Variants in LPP observed in about 807,000 individuals in gnomAD.
LPP encodes LIM domain containing preferred translocation partner in lipoma.
In LPP, 38 loss-of-function variants were observed where a neutral mutation model predicts 60.4. The ratio of observed to expected loss-of-function variants is 0.63; its 90% CI spans 0.49 to 0.83. The LOEUF is 0.83. Among genes scored for constraint, LPP ranks in the 40% least tolerant of loss-of-function variants. LPP has a pLI of 0.00. For synonymous variants in LPP, 328 were observed against 290.8 expected (o/e 1.13, Z -1.30); for missense variants, 902 against 783.6 (o/e 1.15, Z -1.80).
chr3:188,679,490 T>A (rs1201320512), intron 7 of LPP, among the ~76,000 whole-genome samples: 1 of 151,756 alleles, frequency 6.6e-6, no homozygotes, highest in Non-Finnish European at 1.5e-5. Flanking sequence ...CTCGTCGTCC[T>A]GTCTTAGTTT....
intron 9 of LPP, among the ~76,000 whole-genome samples, chr3:188,847,780 A>G (rs570133966): frequency 2.0e-5 from 3 of 152,384 alleles, no homozygotes; most frequent in East Asian, 1.9e-4. Flanking sequence ...ATATTTTACA[A>G]TGGAAAAGTA....
intron 9 of LPP, among the ~76,000 whole-genome samples, chr3:188,783,445 A>C (rs546291822): frequency 1.3e-5 from 2 of 152,222 alleles, no homozygotes; most frequent in Admixed American, 6.5e-5. Context: ...TTAGCAAAGT[A>C]ATGCAGGAAT....
chr3:188,652,868 G>A (rs1053917717), intron 7 of LPP, among the ~76,000 whole-genome samples: 13 of 151,992 alleles, frequency 8.6e-5, no homozygotes, highest in Admixed American at 2.6e-4. Context: ...CTCTTACCAC[G>A]CCCTGTCTAG....
intron 6 of LPP, among the ~76,000 whole-genome samples, chr3:188,531,725 G>A (rs1822226641): frequency 6.6e-6 from 1 of 152,078 alleles, no homozygotes; most frequent in South Asian, 2.1e-4. Flanking sequence ...CTAGCCCTGT[G>A]CACTTCATCA....
chr3:188,475,231 C>T (rs548922056), intron 4 of LPP, among the ~76,000 whole-genome samples: 6 of 152,276 alleles, frequency 3.9e-5, no homozygotes, highest in Admixed American at 2.0e-4. Context: ...ATCAGGGAGA[C>T]GTCATCTACT....
chr3:188,536,538 T>C (rs1347079227), intron 6 of LPP, among the ~76,000 whole-genome samples: 1 of 152,246 alleles, frequency 6.6e-6, no homozygotes, highest in African/African-American at 2.4e-5. Context: ...TCCATACACA[T>C]ATATTTGCCT....
intron 1 of LPP, chr3:188,178,969 A>G: frequency 3.7e-6 from 1 of 267,230 alleles, no homozygotes. Context: ...GGAGTGGGAG[A>G]GAGAGGGAGA....
At chr3:188,746,619 C>A in intron 8 of LPP, 1 of 465,930 alleles carries the variant, frequency 2.1e-6, no homozygotes, top group Non-Finnish European at 4.3e-6. Context: ...ATGCAAGAAA[C>A]CGTTACTGAG....
chr3:188,662,787 C>T (rs567124215), intron 7 of LPP, among the ~76,000 whole-genome samples: 2 of 152,320 alleles, frequency 1.3e-5, no homozygotes, highest in African/African-American at 4.8e-5. Flanking sequence ...TGCACACATT[C>T]GTGAATTTCT....
chr3:188,666,626 G>A (rs924271184), intron 7 of LPP, among the ~76,000 whole-genome samples: 33 of 152,272 alleles, frequency 2.2e-4, no homozygotes, highest in African/African-American at 7.9e-4. Flanking sequence ...CAGGAAAGAA[G>A]GAAAGAGAAA....
At chr3:188,782,029 A>G (rs1739947459) in intron 9 of LPP, among the ~76,000 whole-genome samples, 1 of 152,204 alleles carries the variant, frequency 6.6e-6, no homozygotes, top group Admixed American at 6.5e-5. Context: ...CATATCACAC[A>G]TGAAACACAG....
chr3:188,170,250 C>T (rs1454901231), intron 1 of LPP, among the ~76,000 whole-genome samples: 2 of 151,976 alleles, frequency 1.3e-5, no homozygotes, highest in Non-Finnish European at 2.9e-5. Context: ...TTTTCATTCT[C>T]ATGCTTTGTT....
In LPP at chr3:188,685,457, A is replaced by G. The variant is rs575623874; in HGVS notation, c.1114-22810A>G. On this transcript the variant is annotated intron_variant, in intron 7 of 11. Coordinates refer to ENST00000617246, the MANE Select transcript of LPP (RefSeq NM_001375462.1). Reference sequence around the variant, plus strand: ...TAGGGTGTACACGTAAGTAGAAGATAAGATTGAAAACAAATTTAGTGCCAA... The same window carrying G: ...TAGGGTGTACACGTAAGTAGAAGATGAGATTGAAAACAAATTTAGTGCCAA... 7.0e-4 allele frequency among the ~76,000 whole-genome samples: 107 copies of G among 152,284 alleles called. 3 individuals carry two copies. In the South Asian group the frequency reaches 0.022, roughly 32 times the overall value.
chr3:188,392,406 G>C (rs551154992), intron 3 of LPP, among the ~76,000 whole-genome samples: 1 of 152,172 alleles, frequency 6.6e-6, no homozygotes, highest in South Asian at 2.1e-4. Flanking sequence ...TCTTAAAAAA[G>C]CTTGCCTACC....
intron 6 of LPP, among the ~76,000 whole-genome samples, chr3:188,552,820 C>A (rs1025561720): frequency 6.6e-6 from 1 of 152,164 alleles, no homozygotes; most frequent in Admixed American, 6.6e-5. Context: ...AATCTTTAAC[C>A]TTAATCACAT....
intron 1 of LPP, among the ~76,000 whole-genome samples, chr3:188,218,642 A>G (rs982374261): frequency 2.0e-5 from 3 of 152,148 alleles, no homozygotes; most frequent in Non-Finnish European, 2.9e-5. Flanking sequence ...TTACCTATTC[A>G]TTGAGTTGAC....
chr3:188,706,084 A>C (rs1018352200), intron 7 of LPP, among the ~76,000 whole-genome samples: 2 of 152,358 alleles, frequency 1.3e-5, no homozygotes, highest in Non-Finnish European at 1.5e-5. Flanking sequence ...AATAAACAAA[A>C]GAATAACTGA....
intron 5 of LPP, among the ~76,000 whole-genome samples, chr3:188,515,045 T>G (rs1484513074): frequency 1.3e-5 from 2 of 152,186 alleles, no homozygotes; most frequent in African/African-American, 4.8e-5. Flanking sequence ...GAAAAAAAAT[T>G]CAAGCATTTA....
chr3:188,500,094 T>C (rs1021801882), intron 5 of LPP, among the ~76,000 whole-genome samples: 1 of 152,114 alleles, frequency 6.6e-6, no homozygotes, highest in Non-Finnish European at 1.5e-5. Flanking sequence ...TTGACACCTT[T>C]ATTTTTTTTT....
Sources: gnomAD v4.1 joint callset for allele counts (sites outside exome capture counted in the v4.1 genomes callset) on GRCh38, gnomAD v4.1.1 for gene constraint, MANE v1.5 for transcripts, NCBI Gene and HGNC (gene_info 2026-07-23, HGNC 2026-07-21) for gene names.